The following UBR3 variants were observed in gnomAD, a reference collection of about 807,000 sequenced individuals.
UBR3 encodes the protein ubiquitin protein ligase E3 component n-recognin 3, also known as E3 ubiquitin-protein ligase UBR3.
Under a neutral mutation model 243.2 loss-of-function variants are expected in UBR3, and 85 were observed. That is an observed-to-expected ratio of 0.35 (90% CI 0.29 to 0.42). The LOEUF is 0.42. Among genes scored for constraint, UBR3 ranks in the 10% least tolerant of loss-of-function variants. The pLI is 1.00. For synonymous variants in UBR3, 748 were observed against 799.8 expected, an observed-to-expected ratio of 0.94 and a Z score of 1.09; for missense variants, 1,686 against 2,300.8, an observed-to-expected ratio of 0.73 and a Z score of 5.47.
rs182452774 is a variant in UBR3 at position 169,869,931 on chromosome 2, G to A, written c.546-2305G>A. Among the ~76,000 whole-genome samples, 20 of 152,050 alleles carry A rather than the reference G, an allele frequency of 1.3e-4. 1 individual carries two copies. In the East Asian group the frequency reaches 3.9e-3, roughly 29 times the overall value. ...TAATCTTTTATCTCATTTATAAATT[G>A]TAAATATTTTTTCCAGTTTGTTACT... On this transcript the variant is annotated intron_variant, in intron 1 of 38. Transcript: ENST00000272793.
chr2:170,069,502 A>G (rs1364766679), intron 35 of UBR3, among the ~76,000 whole-genome samples: 1 of 152,122 alleles, frequency 6.6e-6, no homozygotes, highest in African/African-American at 2.4e-5. Context: ...ATACAGTATT[A>G]TTAAATATAG....
Position 169,827,480 on chromosome 2 carries a change from T to C in UBR3, c.-28T>C, listed in dbSNP as rs2081775407. ...CTCTCCCTGGAGGAGCCGCTGGCCC[T>C]GGACTCTCCAAATTCTGAGCTCTCA... is the stretch of plus-strand genomic sequence containing the variant. On this transcript the variant is annotated 5_prime_UTR_variant, in exon 1 of 39. Transcript: ENST00000272793. 1 of 1,223,608 alleles carries C rather than the reference T, an allele frequency of 8.2e-7. No homozygotes were observed. Among genetic ancestry groups the C allele is most frequent in the East Asian group, 3.2e-5 (1 of 31,006 alleles). 75.8% of individuals were successfully genotyped at this position (1,223,608 alleles called of 1,614,324 possible). A position where few individuals can be genotyped will look rare whatever the true frequency, so the allele number is the denominator to read the frequency against.
At chr2:169,885,068 A>G (rs1039291207) in intron 5 of UBR3, among the ~76,000 whole-genome samples, 2 of 152,216 alleles carry the variant, frequency 1.3e-5, no homozygotes, top group Non-Finnish European at 2.9e-5. Flanking sequence ...CACAAATGAC[A>G]TATTTGCTTT....
At chr2:170,067,793 A>G (rs2091609458) in intron 35 of UBR3, among the ~76,000 whole-genome samples, 1 of 142,876 alleles carries the variant, frequency 7.0e-6, no homozygotes, top group Non-Finnish European at 1.5e-5. Context: ...TTTTTTTGAG[A>G]CAGTTTCCCT....
At chr2:170,065,790 T>A (rs1446842786) in intron 35 of UBR3, among the ~76,000 whole-genome samples, 2 of 152,144 alleles carry the variant, frequency 1.3e-5, no homozygotes, top group Non-Finnish European at 2.9e-5. Context: ...ACTTGCCTTT[T>A]TACTATTTTA....
chr2:170,000,255 T>C (rs1462062433), intron 26 of UBR3, among the ~76,000 whole-genome samples: 1 of 152,180 alleles, frequency 6.6e-6, no homozygotes, highest in Non-Finnish European at 1.5e-5. Context: ...TTAAGGCATG[T>C]TTTTGGGTTA....
At chr2:169,886,987 A>G (rs1354381314) in intron 5 of UBR3, among the ~76,000 whole-genome samples, 1 of 152,096 alleles carries the variant, frequency 6.6e-6, no homozygotes, top group Admixed American at 6.6e-5. Flanking sequence ...TATTGTTGTA[A>G]CCAGCTGTGA....
chr2:170,039,922 C>T (rs575806909), intron 31 of UBR3, among the ~76,000 whole-genome samples: 1 of 152,124 alleles, frequency 6.6e-6, no homozygotes, highest in South Asian at 2.1e-4. Flanking sequence ...TTTGTAGAGA[C>T]AGGGTCTCAC....
At chr2:169,830,414 A>T (rs937888439) in intron 1 of UBR3, among the ~76,000 whole-genome samples, 29 of 152,202 alleles carry the variant, frequency 1.9e-4, no homozygotes, top group Admixed American at 4.6e-4. Flanking sequence ...GCCAAATTCT[A>T]GCTGTTTTAT....
rs1186034929 is a variant in UBR3 at position 169,940,085 on chromosome 2, A to G, written c.2664-2408A>G. 2.6e-5 allele frequency among the ~76,000 whole-genome samples: 4 copies of G among 152,190 alleles called. No individual in the cohort carries two copies. In the East Asian group the frequency reaches 7.7e-4, roughly 29 times the overall value. ...ACTTCTCTGATAGTTTCATACATGTATACAATGTGTAATGATCAAATCAGG... is the reference window on the plus strand; with the variant it reads ...ACTTCTCTGATAGTTTCATACATGTGTACAATGTGTAATGATCAAATCAGG... On this transcript the variant is annotated intron_variant, in intron 19 of 38. Coordinates refer to ENST00000272793, the MANE Select transcript of UBR3 (RefSeq NM_172070.4).
At chr2:169,969,866 C>G (rs1364063123) in intron 24 of UBR3, among the ~76,000 whole-genome samples, 2 of 150,960 alleles carry the variant, frequency 1.3e-5, no homozygotes, top group Non-Finnish European at 3.0e-5. Context: ...GTTTTTTATG[C>G]CAGTACCATG....
At chr2:169,992,238 A>T (rs1486801992) in intron 25 of UBR3, among the ~76,000 whole-genome samples, 1 of 152,220 alleles carries the variant, frequency 6.6e-6, no homozygotes, top group Non-Finnish European at 1.5e-5. Context: ...GAACATATTA[A>T]TAACAAAAAG....
chr2:169,981,135 A>G (rs1221846967), intron 24 of UBR3, among the ~76,000 whole-genome samples: 1 of 152,204 alleles, frequency 6.6e-6, no homozygotes. Flanking sequence ...AAGGTAGCAT[A>G]GAGAAGTTTC....
At chr2:170,016,030 G>T (rs2090225269) in intron 30 of UBR3, among the ~76,000 whole-genome samples, 2 of 151,796 alleles carry the variant, frequency 1.3e-5, no homozygotes, top group African/African-American at 4.8e-5. Context: ...GATCACTGAA[G>T]TTGAAATATT....
intron 19 of UBR3, among the ~76,000 whole-genome samples, chr2:169,937,589 G>A (rs1198594850): frequency 1.3e-5 from 2 of 152,134 alleles, no homozygotes; most frequent in Non-Finnish European, 2.9e-5. Context: ...GCCCATGCCT[G>A]TGTCCGGAAT....
chr2:170,077,526 G>T, intron 36 of UBR3: 1 of 876,690 alleles, frequency 1.1e-6, no homozygotes, highest in Non-Finnish European at 1.7e-6. Flanking sequence ...TTCTTGTAAA[G>T]CCATCTCCAA....
At chr2:169,850,072 T>G (rs1343574333) in intron 1 of UBR3, among the ~76,000 whole-genome samples, 1 of 151,984 alleles carries the variant, frequency 6.6e-6, no homozygotes, top group Non-Finnish European at 1.5e-5. Context: ...TGAGGCAGCC[T>G]TCCAGTAGGA....
At chr2:169,863,642 C>G (rs2083160548) in intron 1 of UBR3, among the ~76,000 whole-genome samples, 1 of 152,142 alleles carries the variant, frequency 6.6e-6, no homozygotes, top group African/African-American at 2.4e-5. Flanking sequence ...TTCTCTTGTT[C>G]ACTTGGGGAG....
chr2:170,066,993 T>TAATAATAATAATAATAATAATAATAAAA (rs71006067), intron 35 of UBR3, among the ~76,000 whole-genome samples: 4 of 144,228 alleles, frequency 2.8e-5, no homozygotes, highest in South Asian at 2.2e-4. Flanking sequence ...ATAATAATAA[T>TAATAATAATAATAATAATAATAATAAAA]AAACTTCATT....
Sources: allele counts gnomAD v4.1 joint callset (sites outside exome capture counted in the v4.1 genomes callset), GRCh38; gene constraint gnomAD v4.1.1; transcripts MANE v1.5; gene names NCBI Gene and HGNC (gene_info 2026-07-23, HGNC 2026-07-21).